SLCO2B1: variants seen among roughly 807,000 people sequenced by gnomAD.
The protein encoded by SLCO2B1 is solute carrier organic anion transporter family member 2B1.
A neutral mutation model predicts 67.3 loss-of-function variants in SLCO2B1; 41 were observed. The observed-to-expected ratio is 0.61, with a 90% CI of 0.47 to 0.79. The LOEUF is 0.79. Among genes scored for constraint, SLCO2B1 ranks in the 30% least tolerant of loss-of-function variants. The pLI is 0.00. For synonymous variants in SLCO2B1, 379 were observed against 381.4 expected (o/e 0.99, Z 0.07); for missense variants, 837 against 920.1 (o/e 0.91, Z 1.17).
At chr11:75,188,003 C>G (rs907136713) in intron 7 of SLCO2B1, 133 bp from the exon 8 acceptor site, 3 of 604,578 alleles carry the variant, frequency 5.0e-6, no homozygotes, top group Non-Finnish European at 5.9e-6. Flanking sequence ...CACTGCAGGC[C>G]TCAATTGCTC....
intron 7 of SLCO2B1, 145 bp downstream of exon 7, chr11:75,172,714 G>A: frequency 1.5e-6 from 1 of 670,974 alleles, no homozygotes; most frequent in Non-Finnish European, 2.5e-6. Flanking sequence ...TGGATCACGA[G>A]GTCAGGAGAT....
intron 1 of SLCO2B1, among the ~76,000 whole-genome samples, chr11:75,158,461 T>C (rs1183782510): frequency 6.6e-6 from 1 of 152,212 alleles, no homozygotes; most frequent in African/African-American, 2.4e-5. Flanking sequence ...TTCTTCTCTG[T>C]GTCCTTGCAT....
chr11:75,187,960 G>A (rs1387999730), intron 7 of SLCO2B1, among the ~76,000 whole-genome samples, 176 bp from the exon 8 acceptor site: 2 of 152,182 alleles, frequency 1.3e-5, no homozygotes, highest in African/African-American at 4.8e-5. Flanking sequence ...AAAACCACTT[G>A]TTGGGTACCT....
chr11:75,194,643 T>A (rs774268889), intron 9 of SLCO2B1, among the ~76,000 whole-genome samples: 58 of 152,274 alleles, frequency 3.8e-4, no homozygotes, highest in Non-Finnish European at 7.4e-4. Flanking sequence ...GTGCGGAGCC[T>A]TGTTCTAGGC....
intron 7 of SLCO2B1, among the ~76,000 whole-genome samples, chr11:75,178,102 A>AAAAAC (rs1950047643): frequency 6.6e-6 from 1 of 150,870 alleles, no homozygotes; most frequent in African/African-American, 2.5e-5. Flanking sequence ...TCAAAAAAAA[A>AAAAAC]AAAAAAACAA....
chr11:75,168,127 A>G (rs1949914731), intron 4 of SLCO2B1, among the ~76,000 whole-genome samples: 1 of 152,082 alleles, frequency 6.6e-6, no homozygotes, highest in Non-Finnish European at 1.5e-5. Flanking sequence ...TCCTGATCTC[A>G]GGTGATCCAC....
At chr11:75,190,129 C>G (rs1944996898) in intron 8 of SLCO2B1, among the ~76,000 whole-genome samples, 1 of 152,192 alleles carries the variant, frequency 6.6e-6, no homozygotes, top group African/African-American at 2.4e-5. Flanking sequence ...CTATTAGGTC[C>G]CCGGCACTCT....
intron 1 of SLCO2B1, chr11:75,159,821 C>T (rs1365332079): frequency 5.1e-6 from 5 of 984,956 alleles, no homozygotes; most frequent in Middle Eastern, 5.2e-4. Flanking sequence ...CCCAGGAAGG[C>T]TTTGAGCCTT....
chr11:75,189,894 T>A (rs1944992809), intron 8 of SLCO2B1, among the ~76,000 whole-genome samples: 1 of 150,870 alleles, frequency 6.6e-6, no homozygotes, highest in African/African-American at 2.5e-5. Context: ...CCTGGGAGTT[T>A]GAGGCTGCAA....
At position 75,190,817 on chromosome 11, in the gene SLCO2B1, A is replaced by G. The variant is rs1185048791; in HGVS notation, c.1076-2401A>G. 2.6e-5 allele frequency among the ~76,000 whole-genome samples: 4 copies of G among 152,130 alleles called. No homozygotes were observed. In the East Asian group the frequency reaches 7.7e-4, roughly 29 times the overall value. The stretch of plus-strand genomic sequence containing the variant: ...GGCTCCTGGCTGATGAGGAAGACAG[A>G]GTCACTGACTTGAGGGAGGCCCTGG... On this transcript the variant is annotated intron_variant, in intron 8 of 13. Transcript: ENST00000289575.
intron 3 of SLCO2B1, among the ~76,000 whole-genome samples, chr11:75,164,414 A>G (rs977224224): frequency 1.3e-5 from 2 of 152,166 alleles, no homozygotes; most frequent in Non-Finnish European, 2.9e-5. Context: ...TGCCTGTCCC[A>G]GGAAGGAATC....
chr11:75,163,772 C>T (rs61334831), intron 2 of SLCO2B1, among the ~76,000 whole-genome samples, 191 bp from the exon 3 acceptor site: 6,573 of 151,828 alleles, frequency 0.043, 463 homozygotes, highest in African/African-American at 0.15. Context: ...TCTTTCTCTC[C>T]CCTCCCTCCT....
intron 1 of SLCO2B1, among the ~76,000 whole-genome samples, chr11:75,161,206 T>C (rs1949815942): frequency 6.6e-6 from 1 of 152,236 alleles, no homozygotes; most frequent in South Asian, 2.1e-4. Context: ...CCACATATTG[T>C]GTGATTTCAT....
In SLCO2B1 at chr11:75,204,590, G is replaced by C. The variant is rs1945242984; in HGVS notation, c.*10G>C. On this transcript the variant is annotated 3_prime_UTR_variant, in exon 14 of 14. Transcript: ENST00000289575. Reference sequence around the variant, plus strand: ...GGATTCCCGAGTGTGAGCTGTCTTGGGGCCCCACCTGGCCAAGAGTAGCAG... The same window carrying C: ...GGATTCCCGAGTGTGAGCTGTCTTGCGGCCCCACCTGGCCAAGAGTAGCAG... 3.8e-6 allele frequency: 6 copies of C among 1,595,822 alleles called. No homozygotes were observed. Among genetic ancestry groups the C allele is most frequent in the African/African-American group, 1.3e-5 (1 of 74,280 alleles).
chr11:75,193,024 C>CAG lies in SLCO2B1; in HGVS notation c.1076-186_1076-185dup, dbSNP rs914563828. Among the ~76,000 whole-genome samples the CAG allele has an allele frequency of 2.0e-5, 3 of 151,068 alleles. No individual in the cohort carries two copies. The highest frequency in any genetic ancestry group is 2.1e-4 in the South Asian group (1 of 4,774). On this transcript the variant is annotated intron_variant, in intron 8 of 13. Transcript: ENST00000289575. This position sits in a 1 kb window ranked among gnomAD's most constrained non-coding sequence, Gnocchi z 4.2. ...CGCCACTGCACCCCAGCCTGGGCGA[C>CAG]AGAGAGAGAAAAAAAAAGGGACTAG...
intron 1 of SLCO2B1, among the ~76,000 whole-genome samples, chr11:75,160,890 T>C (rs544834175): frequency 1.3e-5 from 2 of 152,216 alleles, no homozygotes; most frequent in Non-Finnish European, 2.9e-5. Context: ...ATACCACCTC[T>C]ACCCTATGAG....
chr11:75,200,742 T>G, intron 11 of SLCO2B1: 1 of 189,860 alleles, frequency 5.3e-6, no homozygotes, highest in East Asian at 1.3e-4. Flanking sequence ...GAGGGCATAA[T>G]ACCTGCAATG....
At chr11:75,166,002 T>C in intron 4 of SLCO2B1, 53 bp downstream of exon 4, 1 of 1,566,562 alleles carries the variant, frequency 6.4e-7, no homozygotes, top group Non-Finnish European at 8.7e-7. Flanking sequence ...TGCATTGCTT[T>C]GCGCTGGGGC....
In SLCO2B1 at chr11:75,179,997, C is replaced by T. The variant is rs547562626; in HGVS notation, c.972+7428C>T. 7.3e-5 allele frequency among the ~76,000 whole-genome samples: 11 copies of T among 151,502 alleles called. No homozygotes were observed. In the South Asian group the frequency reaches 2.3e-3, roughly 32 times the overall value. ...GTGAGCCACCACACCTGGCCCTGGT[C>T]CCTCTCTTAGTTATTTTTATTTATT... On this transcript the variant is annotated intron_variant, in intron 7 of 13. Transcript: ENST00000289575.
Sources: allele counts gnomAD v4.1 joint callset (sites outside exome capture counted in the v4.1 genomes callset), GRCh38; gene constraint gnomAD v4.1.1; non-coding constraint Gnocchi (gnomAD v3.1); transcripts MANE v1.5; gene names NCBI Gene and HGNC (gene_info 2026-07-23, HGNC 2026-07-21).